ALK: variants seen among roughly 807,000 people sequenced by gnomAD.
The protein encoded by ALK is ALK receptor tyrosine kinase.
In ALK, 74 loss-of-function variants were observed where a neutral mutation model predicts 163.1. The observed-to-expected ratio is 0.45, with a 90% CI of 0.38 to 0.55. ALK has a LOEUF of 0.55. Among genes scored for constraint, ALK ranks in the 20% least tolerant of loss-of-function variants. The pLI is 0.00. For synonymous variants in ALK, 960 were observed against 843.2 expected (o/e 1.14, Z -2.40); for missense variants, 2,063 against 2,105.3 (o/e 0.98, Z 0.39).
chr2:29,260,370 G>T (rs73920760), intron 11 of ALK, among the ~76,000 whole-genome samples: 5 of 152,050 alleles, frequency 3.3e-5, no homozygotes, highest in South Asian at 4.2e-4. Context: ...GTGTTATTCC[G>T]CCCTCTGTAT....
At chr2:29,273,025 C>T (rs1466087514) in intron 11 of ALK, among the ~76,000 whole-genome samples, 1 of 152,344 alleles carries the variant, frequency 6.6e-6, no homozygotes, top group Middle Eastern at 3.4e-3. Flanking sequence ...GGCTATGGGA[C>T]CACGCTCTAT....
intron 3 of ALK, among the ~76,000 whole-genome samples, chr2:29,615,842 C>A (rs1337821482): frequency 6.6e-6 from 1 of 152,246 alleles, no homozygotes; most frequent in Non-Finnish European, 1.5e-5. Flanking sequence ...AGTGCTTGAG[C>A]TGCAAGGAAT....
chr2:29,291,043 C>A (rs554588746), intron 9 of ALK, among the ~76,000 whole-genome samples: 1 of 152,270 alleles, frequency 6.6e-6, no homozygotes, highest in Admixed American at 6.5e-5. Context: ...CTAAAAATAA[C>A]CAAGAACCTA....
intron 1 of ALK, among the ~76,000 whole-genome samples, chr2:29,733,240 G>C (rs1400538341): frequency 6.6e-6 from 1 of 152,208 alleles, no homozygotes; most frequent in Non-Finnish European, 1.5e-5. Context: ...GGATCTGCTG[G>C]TATCACCCAG....
In ALK at chr2:29,564,361, C is replaced by T. The variant is rs116122262; in HGVS notation, c.953-32245G>A. On this transcript the variant is annotated intron_variant, in intron 3 of 28. Transcript: ENST00000389048. ...AATCAAATAATCAGAAAAACAGACA[C>T]TGTCAAATGGATCTTCCAATAAAAA... Among the ~76,000 whole-genome samples, 1,458 of 152,274 alleles carry T rather than the reference C, an allele frequency of 9.6e-3. 20 individuals carry two copies. Among genetic ancestry groups the T allele is most frequent in the African/African-American group, 0.033 (1,377 of 41,544 alleles).
chr2:29,738,219 C>A (rs1368450767), intron 1 of ALK, among the ~76,000 whole-genome samples: 1 of 151,884 alleles, frequency 6.6e-6, no homozygotes. Context: ...TACACAAAAC[C>A]GAGCATCACG....
intron 3 of ALK, among the ~76,000 whole-genome samples, chr2:29,609,108 G>C (rs976579249): frequency 1.4e-4 from 21 of 152,138 alleles, no homozygotes; most frequent in African/African-American, 4.8e-5. Context: ...ATTTTTAGTA[G>C]AGATAGAGTT....
At chr2:29,518,908 G>T (rs1460142629) in intron 4 of ALK, among the ~76,000 whole-genome samples, 1 of 152,140 alleles carries the variant, frequency 6.6e-6, no homozygotes, top group African/African-American at 2.4e-5. Flanking sequence ...TGCTTTGTAT[G>T]CATTATCATA....
intron 1 of ALK, among the ~76,000 whole-genome samples, chr2:29,776,225 TAAAAA>T (rs58918857): frequency 0.03 from 3,899 of 131,130 alleles, 51 homozygotes; most frequent in East Asian, 0.1. Flanking sequence ...GGAATTTTGT[TAAAAA>T]AAAAAAAAAA....
intron 1 of ALK, among the ~76,000 whole-genome samples, chr2:29,916,245 G>A (rs766078986): frequency 5.3e-5 from 8 of 152,184 alleles, no homozygotes; most frequent in South Asian, 2.1e-4. Context: ...TATCCAACCC[G>A]AAGTTTGCTT....
At chr2:29,341,980 A>G (rs1667806372) in intron 5 of ALK, among the ~76,000 whole-genome samples, 1 of 152,222 alleles carries the variant, frequency 6.6e-6, no homozygotes. Flanking sequence ...AAACTGGATG[A>G]TAGGCAGGCA....
rs548510173 is a variant in ALK, at chr2:29,231,472, C to A, written c.2632+832G>T. On this transcript the variant is annotated intron_variant, in intron 15 of 28. Transcript: ENST00000389048. ...GGAATGGTATCTGCCTGGAAACCTG[C>A]AGGTTGTTTTGACAGCACATGTGCA... Among the ~76,000 whole-genome samples, 13 of 152,330 alleles carry A rather than the reference C, an allele frequency of 8.5e-5. No individual in the cohort carries two copies. The East Asian group carries it at 2.3e-3, about 27-fold the overall frequency.
intron 1 of ALK, among the ~76,000 whole-genome samples, chr2:29,851,561 A>G (rs140031983): frequency 6.2e-4 from 95 of 152,282 alleles, no homozygotes; most frequent in African/African-American, 2.3e-3. Flanking sequence ...CTTAGGTAGG[A>G]ATCAGGCACT....
chr2:29,518,940 G>A (rs1672742641), intron 4 of ALK, among the ~76,000 whole-genome samples: 1 of 152,198 alleles, frequency 6.6e-6, no homozygotes, highest in Non-Finnish European at 1.5e-5. Context: ...TAGGGAAACT[G>A]TAGTATTAAA....
chr2:29,406,199 G>C (rs1669580309), intron 4 of ALK, among the ~76,000 whole-genome samples: 1 of 152,198 alleles, frequency 6.6e-6, no homozygotes, highest in South Asian at 2.1e-4. Flanking sequence ...GTTCCCCCAG[G>C]ATGGAATGTA....
chr2:29,887,531 G>A (rs940817575), intron 1 of ALK, among the ~76,000 whole-genome samples: 6 of 152,130 alleles, frequency 3.9e-5, no homozygotes, highest in African/African-American at 7.2e-5. Context: ...TCAAGGGGAG[G>A]GACATAGAGC....
At chr2:29,616,686 C>T (rs973146950) in intron 3 of ALK, among the ~76,000 whole-genome samples, 2 of 152,210 alleles carry the variant, frequency 1.3e-5, no homozygotes, top group African/African-American at 4.8e-5. Flanking sequence ...AAATATCAGA[C>T]TCCTCCTAAC....
Position 29,336,870 on chromosome 2 carries a change from A to G in ALK, c.1283-8389T>C, listed in dbSNP as rs369429336. 1.6e-4 allele frequency among the ~76,000 whole-genome samples: 25 copies of G among 152,120 alleles called. 1 individual carries two copies. The highest frequency in any genetic ancestry group is 5.8e-4 in the East Asian group (3 of 5,198). On this transcript the variant is annotated intron_variant, in intron 5 of 28. Transcript: ENST00000389048. ...TCTTGCCTAACTAATGACACTCGTTAAAGGAGGAAATTTGAGTGCTGCTTC... is the reference window on the plus strand; with the variant it reads ...TCTTGCCTAACTAATGACACTCGTTGAAGGAGGAAATTTGAGTGCTGCTTC...
At chr2:29,786,667 G>A (rs879358459) in intron 1 of ALK, among the ~76,000 whole-genome samples, 5 of 152,184 alleles carry the variant, frequency 3.3e-5, no homozygotes, top group Non-Finnish European at 7.3e-5. Context: ...TCAGTTGTGG[G>A]AGCCCAAAGT....
Sources: allele counts gnomAD v4.1 joint callset (sites outside exome capture counted in the v4.1 genomes callset), GRCh38; gene constraint gnomAD v4.1.1; transcripts MANE v1.5; gene names NCBI Gene and HGNC (gene_info 2026-07-23, HGNC 2026-07-21).